Variants in SRSF6 observed in about 807,000 individuals in gnomAD.
SRSF6 encodes serine and arginine rich splicing factor 6.
Under a neutral mutation model 42.0 loss-of-function variants are expected in SRSF6, and 17 were observed. The observed-to-expected ratio is 0.40, with a 90% CI of 0.28 to 0.61. The LOEUF is 0.61. Among genes scored for constraint, SRSF6 ranks in the 20% least tolerant of loss-of-function variants. The pLI, the probability that SRSF6 is intolerant of heterozygous loss-of-function variation, is 0.37. For missense variants in SRSF6, 379 were observed against 471.4 expected (o/e 0.80, Z 1.81); for synonymous variants, 204 against 166.7 (o/e 1.22, Z -1.72).
At position 43,462,366 on chromosome 20, in the gene SRSF6, AACCTTACATCCCTTTGTTCAGAT is replaced by A. The variant is rs1370445599; in HGVS notation, c.*1310_*1332del. Reference sequence around the variant, plus strand: ...GAAATTGCAGTTTGAGAAGTGAATTAACCTTACATCCCTTTGTTCAGATACCTTAAAAGTTACTTTATTTAAAA... The same window carrying A: ...GAAATTGCAGTTTGAGAAGTGAATTAACCTTAAAAGTTACTTTATTTAAAA... On this transcript the variant is annotated 3_prime_UTR_variant, in exon 6 of 6. Coordinates refer to ENST00000244020, the MANE Select transcript of SRSF6 (RefSeq NM_006275.6). 1 of 152,250 alleles carries A rather than the reference AACCTTACATCCCTTTGTTCAGAT, an allele frequency of 6.6e-6. No individual in the cohort carries two copies. Among genetic ancestry groups the A allele is most frequent in the African/African-American group, 2.4e-5 (1 of 41,472 alleles). 9.4% of individuals were successfully genotyped at this position (152,250 alleles called of 1,614,324 possible).
In SRSF6 at chr20:43,463,224, ACAGT is replaced by A. The variant is rs560202286; in HGVS notation, c.*2165_*2168del. 6 of 154,886 alleles carry A rather than the reference ACAGT, an allele frequency of 3.9e-5. No homozygotes were observed. The highest frequency in any genetic ancestry group is 2.0e-4 in the South Asian group (1 of 4,926). The allele number at this position is 154,886 out of a possible 1,614,324, so 9.6% of individuals were successfully genotyped here. On this transcript the variant is annotated 3_prime_UTR_variant, in exon 6 of 6. Coordinates refer to ENST00000244020, the MANE Select transcript of SRSF6 (RefSeq NM_006275.6). ...AGTAATAGCCACGACCAATTTATTA[ACAGT>A]CAGGGCCTATCCTTGCCTGTAGTTC...
At chr20:43,458,586 C>T in intron 2 of SRSF6, 77 bp downstream of exon 2, 4 of 1,363,332 alleles carry the variant, frequency 2.9e-6, no homozygotes, top group Non-Finnish European at 3.8e-6. Context: ...CCTCCCAGCC[C>T]GGGCAGGCGC....
At chr20:43,458,175 C>G (rs2017528767) in intron 1 of SRSF6, 35 bp downstream of exon 1, 2 of 1,596,448 alleles carry the variant, frequency 1.3e-6, no homozygotes, top group South Asian at 2.2e-5. Context: ...CCCAGCGTCC[C>G]AGGCCTGGTG....
Position 43,461,035 on chromosome 20 carries a change from C to A in SRSF6, c.1007C>A (p.Ser336Ter). 6.3e-7 allele frequency: 1 copy of A among 1,598,826 alleles called. No individual in the cohort carries two copies. Among genetic ancestry groups the A allele is most frequent in the Non-Finnish European group, 8.5e-7 (1 of 1,173,634 alleles). ...TCTAGATCTCGCTCAAAGTCAAGAT[C>A]AAGGTCCAGGTCGAGTTCCAGAGAT... ...SRSRSRSKSR[S>*]RSRSSSRD The change falls in exon 6 of 6, where the codon TCA becomes TAA. Residue 336 changes from serine to a stop codon, truncating the protein, a stop_gained. Coordinates refer to ENST00000244020, the MANE Select transcript of SRSF6 (RefSeq NM_006275.6). LOFTEE classifies it high-confidence loss of function.
rs1261293671 is a variant in SRSF6 at position 43,462,621 on chromosome 20, A to G, written c.*1558A>G. 5 of 152,170 alleles carry G rather than the reference A, an allele frequency of 3.3e-5. No individual in the cohort carries two copies. The highest frequency in any genetic ancestry group is 7.3e-5 in the Non-Finnish European group (5 of 68,032). The allele number at this position is 152,170 out of a possible 1,614,324, so 9.4% of individuals were successfully genotyped here. On this transcript the variant is annotated 3_prime_UTR_variant, in exon 6 of 6. Transcript: ENST00000244020. ...TTCAAATAATCCAGAAATATACCTA[A>G]TAAGATTGAGTGAAAAATTTGAGTC...
Position 43,457,906 on chromosome 20 carries a change from T to C in SRSF6, c.-128T>C. Reference sequence around the variant, plus strand: ...GCGCGCGCGCGCGCCATTGTGTGGCTGGACTCGGCCGCCCCTGTGGTGTGA... The same window carrying C: ...GCGCGCGCGCGCGCCATTGTGTGGCCGGACTCGGCCGCCCCTGTGGTGTGA... On this transcript the variant is annotated 5_prime_UTR_variant, in exon 1 of 6. Transcript: ENST00000244020. The C allele has an allele frequency of 1.4e-6, 1 of 701,930 alleles. No homozygotes were observed. Among genetic ancestry groups the C allele is most frequent in the Non-Finnish European group, 2.3e-6 (1 of 427,640 alleles). 43.5% of individuals were successfully genotyped at this position (701,930 alleles called of 1,614,324 possible). A position where few individuals can be genotyped will look rare whatever the true frequency, so the allele number is the denominator to read the frequency against.
chr20:43,458,886 G>A (rs549171067), intron 2 of SRSF6, among the ~76,000 whole-genome samples: 2 of 150,838 alleles, frequency 1.3e-5, no homozygotes, highest in South Asian at 4.2e-4. Flanking sequence ...GGTAGGGGGC[G>A]CGGGGGACGG....
chr20:43,460,409 C>CACT (rs761885794), intron 4 of SRSF6, 106 bp from the exon 5 acceptor site: 71,236 of 1,379,938 alleles, frequency 0.052, 2,194 homozygotes, highest in Non-Finnish European at 0.057. Context: ...TATTTAATTT[C>CACT]GTAGTAAAGA....
rs1015511838 is a variant in SRSF6, at chr20:43,462,508, G to A, written c.*1445G>A. On this transcript the variant is annotated 3_prime_UTR_variant, in exon 6 of 6. Transcript: ENST00000244020. The stretch of plus-strand genomic sequence containing the variant: ...GGTGTCACAATGTAGGGTACCAAGG[G>A]TTGGATTGTGATGGGGCATGGTCGT... 1 of 152,184 alleles carries A rather than the reference G, an allele frequency of 6.6e-6. No homozygotes were observed. Among genetic ancestry groups the A allele is most frequent in the Non-Finnish European group, 1.5e-5 (1 of 68,046 alleles). 9.4% of individuals were successfully genotyped at this position (152,184 alleles called of 1,614,324 possible). A position where few individuals can be genotyped will look rare whatever the true frequency, so the allele number is the denominator to read the frequency against.
In SRSF6 at chr20:43,462,429, T is replaced by TA. The variant is rs1269368000; in HGVS notation, c.*1367dup. ...TTTATTTAAAAGCATTTATTAATCT[T>TA]AGTCTGAAATCAAAATATAGATTAA... On this transcript the variant is annotated 3_prime_UTR_variant, in exon 6 of 6. Transcript: ENST00000244020. 1 of 152,220 alleles carries TA rather than the reference T, an allele frequency of 6.6e-6. No individual in the cohort carries two copies. Among genetic ancestry groups the TA allele is most frequent in the Non-Finnish European group, 1.5e-5 (1 of 68,030 alleles). The allele number at this position is 152,220 out of a possible 1,614,324, so 9.4% of individuals were successfully genotyped here.
chr20:43,461,265 A>T lies in SRSF6; in HGVS notation c.*202A>T, dbSNP rs1020923297. The T allele has an allele frequency of 2.0e-6, 1 of 493,870 alleles. No individual in the cohort carries two copies. Among genetic ancestry groups the T allele is most frequent in the African/African-American group, 2.1e-5 (1 of 48,004 alleles). The allele number at this position is 493,870 out of a possible 1,614,324, so 30.6% of individuals were successfully genotyped here. A position where few individuals can be genotyped will look rare whatever the true frequency, so the allele number is the denominator to read the frequency against. ...TGAAGACCCTCTCCCTTCTTTGTAG[A>T]ATTAAGATAACTTTGATTTTATAGC... is the stretch of plus-strand genomic sequence containing the variant. On this transcript the variant is annotated 3_prime_UTR_variant, in exon 6 of 6. Transcript: ENST00000244020.
chr20:43,458,641 C>G (rs2017539050), intron 2 of SRSF6, 132 bp downstream of exon 2: 2 of 935,188 alleles, frequency 2.1e-6, no homozygotes, highest in Non-Finnish European at 3.0e-6. Flanking sequence ...AGCCCCGCTG[C>G]CTTCACGTCT....
At position 43,461,125 on chromosome 20, in the gene SRSF6, C is replaced by G; in HGVS notation, c.*62C>G. The G allele has an allele frequency of 1.3e-6, 2 of 1,493,712 alleles. No individual in the cohort carries two copies. Among genetic ancestry groups the G allele is most frequent in the Non-Finnish European group, 1.8e-6 (2 of 1,123,846 alleles). The allele number at this position is 1,493,712 out of a possible 1,614,324, so 92.5% of individuals were successfully genotyped here. On this transcript the variant is annotated 3_prime_UTR_variant, in exon 6 of 6. Coordinates refer to ENST00000244020, the MANE Select transcript of SRSF6 (RefSeq NM_006275.6). ...TTTCCTACTTAGGCAGTTACTCTTC[C>G]ATGTTTATACTTGGCCTCTTCTGCA...
Position 43,460,693 on chromosome 20 carries a change from C to A in SRSF6, c.675-10C>A. 6.2e-7 allele frequency: 1 copy of A among 1,612,910 alleles called. No individual in the cohort carries two copies. The highest frequency in any genetic ancestry group is 8.5e-7 in the Non-Finnish European group (1 of 1,179,120). On this transcript the variant is annotated splice_polypyrimidine_tract_variant and intron_variant, in intron 5 of 5. Coordinates refer to ENST00000244020, the MANE Select transcript of SRSF6 (RefSeq NM_006275.6). ...CTAAGTATTGAGAAAATCGGTCTTT[C>A]CTTGTCCAGTTCCAGGTCGCGGAGC...
In SRSF6 at chr20:43,458,012, T is replaced by C. The variant is rs1307513645; in HGVS notation, c.-22T>C. 1 of 1,602,344 alleles carries C rather than the reference T, an allele frequency of 6.2e-7. No homozygotes were observed. The highest frequency in any genetic ancestry group is 8.5e-7 in the Non-Finnish European group (1 of 1,174,160). On this transcript the variant is annotated 5_prime_UTR_variant, in exon 1 of 6. Transcript: ENST00000244020. ...GGTCCGCCGTTCGACAACCAGCCCT[T>C]GGGTCCCCGCCCGCCACGGACATGC...
chr20:43,460,411 T>TTTAAAAAC (rs767338766), intron 4 of SRSF6, 104 bp from the exon 5 acceptor site: 72,934 of 1,396,990 alleles, frequency 0.052, 2,283 homozygotes, highest in Non-Finnish European at 0.058. Flanking sequence ...TTTAATTTCG[T>TTTAAAAAC]AGTAAAGAAA....
chr20:43,462,628 T>C lies in SRSF6; in HGVS notation c.*1565T>C, dbSNP rs561872092. ...AATCCAGAAATATACCTAATAAGATTGAGTGAAAAATTTGAGTCAAATATC... is the reference window on the plus strand; with the variant it reads ...AATCCAGAAATATACCTAATAAGATCGAGTGAAAAATTTGAGTCAAATATC... On this transcript the variant is annotated 3_prime_UTR_variant, in exon 6 of 6. Coordinates refer to ENST00000244020, the MANE Select transcript of SRSF6 (RefSeq NM_006275.6). The C allele has an allele frequency of 6.6e-6, 1 of 152,232 alleles. No individual in the cohort carries two copies. Among genetic ancestry groups the C allele is most frequent in the East Asian group, 1.9e-4 (1 of 5,186 alleles). The allele number at this position is 152,232 out of a possible 1,614,324, so 9.4% of individuals were successfully genotyped here. A position where few individuals can be genotyped will look rare whatever the true frequency, so the allele number is the denominator to read the frequency against.
At position 43,460,634 on chromosome 20, in the gene SRSF6, C is replaced by G. The variant is rs758380856; in HGVS notation, c.674+36C>G. 4 of 1,613,510 alleles carry G rather than the reference C, an allele frequency of 2.5e-6. No homozygotes were observed. In the East Asian group the frequency reaches 8.9e-5, roughly 36 times the overall value. On this transcript the variant is annotated intron_variant, in intron 5 of 5. Coordinates refer to ENST00000244020, the MANE Select transcript of SRSF6 (RefSeq NM_006275.6). ...TTGTGTTGAGTCACTGTGAATATTA[C>G]CGTACTTGTTTATGGAGTATGTGTA...
intron 1 of SRSF6, 64 bp downstream of exon 1, chr20:43,458,204 G>T: frequency 6.5e-7 from 1 of 1,547,560 alleles, no homozygotes. Context: ...AACTCTCCAA[G>T]GAAAGAAGCG....
Sources: gnomAD v4.1 joint callset for allele counts (sites outside exome capture counted in the v4.1 genomes callset) on GRCh38, gnomAD v4.1.1 for gene constraint, MANE v1.5 for transcripts, NCBI Gene and HGNC (gene_info 2026-07-23, HGNC 2026-07-21) for gene names.